CHLSN: variants seen among roughly 807,000 people sequenced by gnomAD.
CHLSN encodes the protein cholesin, also known as protein cholesin.
chr7:1,100,371 G>A, the CHLSN span, among the ~76,000 whole-genome samples: 4 of 152,246 alleles, frequency 2.6e-5, no homozygotes, highest in African/African-American at 4.8e-5. Context: ...CTGGGAGAGA[G>A]TGGACACCAG....
the CHLSN span, among the ~76,000 whole-genome samples, chr7:1,051,949 G>A: frequency 6.6e-6 from 1 of 152,350 alleles, no homozygotes; most frequent in East Asian, 1.9e-4. Flanking sequence ...CTGCCCTCCA[G>A]CCTGGGTGAC....
At chr7:996,427 C>T in the CHLSN span, among the ~76,000 whole-genome samples, 3 of 152,238 alleles carry the variant, frequency 2.0e-5, no homozygotes, top group African/African-American at 4.8e-5. Flanking sequence ...GCTGCAGCTA[C>T]TTTTCTGCTC....
the CHLSN span, among the ~76,000 whole-genome samples, chr7:1,100,995 C>T: frequency 6.6e-6 from 1 of 152,218 alleles, no homozygotes; most frequent in South Asian, 2.1e-4. Context: ...GCAGGCACAG[C>T]CCGTCAGGGA....
the CHLSN span, among the ~76,000 whole-genome samples, chr7:1,110,358 G>A: frequency 1.3e-5 from 2 of 152,036 alleles, no homozygotes; most frequent in African/African-American, 2.4e-5. Flanking sequence ...TTCATGGTGC[G>A]GCTCCGAGAG....
the CHLSN span, among the ~76,000 whole-genome samples, chr7:1,115,877 C>G: frequency 9.0e-6 from 1 of 111,292 alleles, no homozygotes; most frequent in Non-Finnish European, 1.9e-5. Context: ...CACTACAGCT[C>G]TAGGACCGGC....
chr7:986,065 C>T, the CHLSN span, among the ~76,000 whole-genome samples: 1 of 152,174 alleles, frequency 6.6e-6, no homozygotes, highest in East Asian at 1.9e-4. Context: ...CGGGGCAGCC[C>T]CAGGGCAGCA....
At chr7:979,568 A>G in the CHLSN span, among the ~76,000 whole-genome samples, 1 of 152,292 alleles carries the variant, frequency 6.6e-6, no homozygotes, top group African/African-American at 2.4e-5. Flanking sequence ...CCTGGCCAAC[A>G]TGGTGAAACC....
chr7:1,028,380 C>G, the CHLSN span: 2 of 988,170 alleles, frequency 2.0e-6, no homozygotes, highest in African/African-American at 1.7e-5. Flanking sequence ...GCATGCCCGG[C>G]CGGCCCGGCG....
chr7:987,526 C>T, the CHLSN span: 1 of 1,521,716 alleles, frequency 6.6e-7, no homozygotes. Context: ...CTTCCTGCTC[C>T]CCAAGGTGGG....
chr7:987,467 T>A, the CHLSN span: 1 of 1,564,094 alleles, frequency 6.4e-7, no homozygotes, highest in Non-Finnish European at 8.6e-7. Context: ...TTCATCACGC[T>A]CCTGCCGCAC....
the CHLSN span, among the ~76,000 whole-genome samples, chr7:1,013,593 A>C: frequency 1.3e-5 from 2 of 152,118 alleles, no homozygotes; most frequent in African/African-American, 4.8e-5. Flanking sequence ...CTTCTGGGAG[A>C]GGTGTTGTGG....
At chr7:1,016,687 A>G in the CHLSN span, among the ~76,000 whole-genome samples, 1 of 125,608 alleles carries the variant, frequency 8.0e-6, no homozygotes, top group African/African-American at 3.3e-5. Flanking sequence ...GCCAGGGCAC[A>G]GCAGCGCATG....
chr7:1,108,610 T>C, the CHLSN span, among the ~76,000 whole-genome samples: 1 of 152,232 alleles, frequency 6.6e-6, no homozygotes, highest in East Asian at 1.9e-4. Flanking sequence ...CCCTGCCATG[T>C]GTCTCCGCCA....
At chr7:1,108,359 A>G in the CHLSN span, among the ~76,000 whole-genome samples, 112 of 84,728 alleles carry the variant, frequency 1.3e-3, 7 homozygotes, top group African/African-American at 3.3e-3. Flanking sequence ...TGTGTCCCGC[A>G]CCCCGGGGGG....
chr7:1,005,931 C>G, the CHLSN span, among the ~76,000 whole-genome samples: 1 of 152,252 alleles, frequency 6.6e-6, no homozygotes, highest in Non-Finnish European at 1.5e-5. Flanking sequence ...CCTGCAGGGA[C>G]CAGGGAGGCA....
At chr7:1,070,836 CACA>C in the CHLSN span, among the ~76,000 whole-genome samples, 4 of 147,776 alleles carry the variant, frequency 2.7e-5, no homozygotes, top group African/African-American at 1.0e-4. Context: ...CACATATACA[CACA>C]ACGCGTGCAC....
the CHLSN span, chr7:1,025,751 G>C: frequency 6.6e-6 from 1 of 152,270 alleles, no homozygotes; most frequent in African/African-American, 2.4e-5. Flanking sequence ...GGCGTTTCTT[G>C]CTCTGTATTT....
At chr7:983,272 TGCGCCC>T in the CHLSN span, 1 of 1,543,608 alleles carries the variant, frequency 6.5e-7, no homozygotes, top group East Asian at 2.4e-5. Context: ...GCTCTGCGCC[TGCGCCC>T]AAGACCCCTC....
At chr7:1,017,089 C>T in the CHLSN span, among the ~76,000 whole-genome samples, 79 of 152,308 alleles carry the variant, frequency 5.2e-4, no homozygotes, top group African/African-American at 1.5e-3. Flanking sequence ...GCGGAGAGCC[C>T]GGACCACTCG....
Sources: gnomAD v4.1 joint callset for allele counts (sites outside exome capture counted in the v4.1 genomes callset) on GRCh38, gnomAD v4.1.1 for gene constraint, MANE v1.5 for transcripts, NCBI Gene and HGNC (gene_info 2026-07-23, HGNC 2026-07-21) for gene names.